SAXO1: variants seen among roughly 807,000 people sequenced by gnomAD.
SAXO1 encodes stabilizer of axonemal microtubules 1, also known as 4930500O09Rik.
A neutral mutation model predicts 17.5 loss-of-function variants in SAXO1; 21 were observed. The ratio of observed to expected loss-of-function variants is 1.20; its 90% CI spans 0.85 to 1.72. The LOEUF (loss-of-function observed/expected upper bound fraction) is 1.72, where lower values mean the gene tolerates loss of function less well. SAXO1 is among the 40% of genes most tolerant of loss of function. The pLI is 0.00. For synonymous variants in SAXO1, 274 were observed against 216.5 expected, an observed-to-expected ratio of 1.27 and a Z score of -2.33; for missense variants, 843 against 596.0, an observed-to-expected ratio of 1.41 and a Z score of -4.32.
chr9:18,960,132 G>C (rs935578966), intron 1 of SAXO1, among the ~76,000 whole-genome samples: 1 of 152,156 alleles, frequency 6.6e-6, no homozygotes, highest in African/African-American at 2.4e-5. Context: ...CCTTGGCAAT[G>C]AAAAGGAAAA....
intron 1 of SAXO1, chr9:19,026,907 G>A: frequency 2.7e-6 from 2 of 752,508 alleles, no homozygotes; most frequent in South Asian, 2.7e-5. Context: ...AACCGTGTGG[G>A]ATGAGGCCAA....
intron 3 of SAXO1, among the ~76,000 whole-genome samples, chr9:18,938,834 G>GTGTGTATGTA (rs1831422174): frequency 6.7e-6 from 1 of 150,164 alleles, no homozygotes; most frequent in African/African-American, 2.4e-5. Context: ...GTGTGTGTGT[G>GTGTGTATGTA]TGTGTGTGTG....
rs1834388839 is a variant in SAXO1 at position 19,003,970 on chromosome 9, A to T, written c.38+28901T>A. On this transcript the variant is annotated intron_variant, in intron 1 of 3. Transcript: ENST00000380534. ...CAGTTGGCAACCCACAGAATGGGAG[A>T]AAAATTTTGCAATCTATCCATCTAA... Among the ~76,000 whole-genome samples the T allele has an allele frequency of 2.0e-5, 3 of 152,230 alleles. No individual in the cohort carries two copies. In the South Asian group the frequency reaches 6.2e-4, roughly 32 times the overall value.
At chr9:18,933,376 T>C (rs1265316860) in intron 3 of SAXO1, among the ~76,000 whole-genome samples, 4 of 152,228 alleles carry the variant, frequency 2.6e-5, no homozygotes, top group African/African-American at 4.8e-5. Context: ...TTTATAAATA[T>C]TGATTCTGTA....
chr9:18,943,808 G>C (rs534918151), intron 2 of SAXO1, among the ~76,000 whole-genome samples: 118 of 152,330 alleles, frequency 7.7e-4, no homozygotes, highest in Admixed American at 1.5e-3. Context: ...CTGCCGTGCT[G>C]AGCCCACCCA....
chr9:19,042,710 A>T (rs1836105644), intron 1 of SAXO1, among the ~76,000 whole-genome samples: 1 of 152,176 alleles, frequency 6.6e-6, no homozygotes, highest in Non-Finnish European at 1.5e-5. Context: ...TAAGAATACA[A>T]AATTAGCCAG....
chr9:19,032,267 G>T (rs1835803945), intron 1 of SAXO1, among the ~76,000 whole-genome samples: 1 of 152,102 alleles, frequency 6.6e-6, no homozygotes, highest in Non-Finnish European at 1.5e-5. Flanking sequence ...TCAGCCCGTG[G>T]GACTCTGACT....
chr9:18,982,998 G>C (rs907813909), intron 1 of SAXO1, among the ~76,000 whole-genome samples: 8 of 152,110 alleles, frequency 5.3e-5, no homozygotes, highest in Non-Finnish European at 2.9e-5. Context: ...AATCAGGAAG[G>C]GCTTCAAACA....
At chr9:18,938,378 G>C (rs138747145) in intron 3 of SAXO1, among the ~76,000 whole-genome samples, 1 of 152,076 alleles carries the variant, frequency 6.6e-6, no homozygotes, top group East Asian at 1.9e-4. Flanking sequence ...GGAGGCCTCA[G>C]GGAGTTTTAC....
intron 1 of SAXO1, among the ~76,000 whole-genome samples, chr9:18,951,578 C>T (rs1448604862): frequency 6.6e-6 from 1 of 152,172 alleles, no homozygotes; most frequent in African/African-American, 2.4e-5. Context: ...TTCCGCCAAT[C>T]ATCTTATACC....
At chr9:18,944,265 T>G (rs1473318144) in intron 2 of SAXO1, among the ~76,000 whole-genome samples, 1 of 152,230 alleles carries the variant, frequency 6.6e-6, no homozygotes, top group Non-Finnish European at 1.5e-5. Context: ...GACTTTTTTA[T>G]AACCTACCCA....
At chr9:18,991,950 T>C (rs1016917103) in intron 1 of SAXO1, among the ~76,000 whole-genome samples, 1 of 152,116 alleles carries the variant, frequency 6.6e-6, no homozygotes, top group African/African-American at 2.4e-5. Flanking sequence ...AGTTTAAAAG[T>C]GTTCCAGGAA....
rs148538698 is a variant in SAXO1 at position 18,965,360 on chromosome 9, T to C, written c.39-14423A>G. The stretch of plus-strand genomic sequence containing the variant: ...ATATTGACAGTGGGGTGTTAAAGTC[T>C]TCCACTATTATTGTGTGCAAGTCTA... On this transcript the variant is annotated intron_variant, in intron 1 of 3. Coordinates refer to ENST00000380534, the MANE Select transcript of SAXO1 (RefSeq NM_153707.4). Among the ~76,000 whole-genome samples the C allele has an allele frequency of 3.5e-3, 532 of 152,330 alleles. 3 individuals are homozygous for C. Among genetic ancestry groups the C allele is most frequent in the African/African-American group, 0.012 (505 of 41,570 alleles).
At chr9:18,962,693 C>G (rs151336428) in intron 1 of SAXO1, among the ~76,000 whole-genome samples, 6,468 of 152,126 alleles carry the variant, frequency 0.043, 147 homozygotes, top group Middle Eastern at 0.082. Flanking sequence ...CTTGTAGATT[C>G]TGGGTATTAG....
intron 2 of SAXO1, among the ~76,000 whole-genome samples, chr9:18,945,200 C>T (rs1214985108): frequency 6.6e-6 from 1 of 152,170 alleles, no homozygotes; most frequent in African/African-American, 2.4e-5. Context: ...TTGCCTTCCT[C>T]TCCTCATGTC....
chr9:18,984,254 T>TA (rs1833506640), intron 1 of SAXO1, among the ~76,000 whole-genome samples: 1 of 152,234 alleles, frequency 6.6e-6, no homozygotes, highest in African/African-American at 2.4e-5. Context: ...TTAAGGGTCC[T>TA]AGGATTTTCA....
intron 1 of SAXO1, among the ~76,000 whole-genome samples, chr9:18,956,833 C>T (rs145918921): frequency 9.8e-4 from 149 of 152,338 alleles, no homozygotes; most frequent in African/African-American, 3.4e-3. Context: ...TATATTATTG[C>T]ATCTAATCTC....
chr9:18,964,232 CT>C (rs1203959876), intron 1 of SAXO1, among the ~76,000 whole-genome samples: 1 of 152,088 alleles, frequency 6.6e-6, no homozygotes, highest in Non-Finnish European at 1.5e-5. Context: ...CTGAAATTTT[CT>C]TTTTTTGTTG....
In SAXO1 at chr9:18,928,479, C is replaced by A. The variant is rs1035643925; in HGVS notation, c.998G>T (p.Arg333Leu). ...RPALQIKKCG[R>L]FEGSSTTKDD... ...CTTGGTGGTGGAAGAGCCTTCAAAG[C>A]GACCGCACTTCTTAATCTGAAGTGC... Residue 333 changes from arginine to leucine, a missense_variant, in exon 4 of 4, where the codon CGC (arginine) becomes CTC (leucine). Physicochemically the swap from Arg to Leu is moderately radical, Grantham distance 102. Transcript: ENST00000380534. The A allele has an allele frequency of 2.5e-6, 4 of 1,612,896 alleles. No individual in the cohort carries two copies. The highest frequency in any genetic ancestry group is 1.1e-5 in the South Asian group (1 of 90,874).
Sources: allele counts gnomAD v4.1 joint callset (sites outside exome capture counted in the v4.1 genomes callset), GRCh38; gene constraint gnomAD v4.1.1; transcripts MANE v1.5; gene names NCBI Gene and HGNC (gene_info 2026-07-23, HGNC 2026-07-21).